The following R3HCC1L variants were observed in gnomAD, a reference collection of about 807,000 sequenced individuals.
R3HCC1L encodes R3H domain and coiled-coil containing 1 like.
A neutral mutation model predicts 59.9 loss-of-function variants in R3HCC1L; 51 were observed. That is an observed-to-expected ratio of 0.85 (90% CI 0.68 to 1.07). R3HCC1L has a LOEUF of 1.07. Among genes scored for constraint, R3HCC1L ranks in the 50% least tolerant of loss-of-function variants. The probability of loss-of-function intolerance (pLI) is 0.00; values close to 1 mark genes in which losing one functional copy is unlikely to be tolerated. For missense variants in R3HCC1L, 965 were observed against 933.0 expected (o/e 1.03, Z -0.45); for synonymous variants, 322 against 315.2 (o/e 1.02, Z -0.23).
At chr10:98,219,197 C>T (rs1854582665) in intron 5 of R3HCC1L, among the ~76,000 whole-genome samples, 1 of 152,224 alleles carries the variant, frequency 6.6e-6, no homozygotes, top group Admixed American at 6.5e-5. Flanking sequence ...CAGGTGTGAG[C>T]CACCATGCCC....
At chr10:98,206,587 T>G (rs1852695683) in intron 4 of R3HCC1L, among the ~76,000 whole-genome samples, 1 of 102,712 alleles carries the variant, frequency 9.7e-6, no homozygotes, top group South Asian at 4.2e-4. Context: ...ATCTCTAAAT[T>G]CATTTCTACC....
At chr10:98,230,578 C>T (rs538012961) in intron 5 of R3HCC1L, among the ~76,000 whole-genome samples, 5 of 152,274 alleles carry the variant, frequency 3.3e-5, no homozygotes, top group African/African-American at 1.2e-4. Flanking sequence ...CTGTCTCCTT[C>T]AGTTCTGCTC....
At chr10:98,135,514 C>A (rs1316020088) in intron 1 of R3HCC1L, among the ~76,000 whole-genome samples, 1 of 152,182 alleles carries the variant, frequency 6.6e-6, no homozygotes, top group Non-Finnish European at 1.5e-5. Flanking sequence ...ACCTTGCCAT[C>A]CCCCAGTCTC....
At chr10:98,162,033 C>G (rs1847465981) in intron 2 of R3HCC1L, among the ~76,000 whole-genome samples, 1 of 152,070 alleles carries the variant, frequency 6.6e-6, no homozygotes, top group South Asian at 2.1e-4. Flanking sequence ...TCCATTTGTT[C>G]AGATCTACTT....
At chr10:98,213,594 TATAGAATTAAAC>T (rs2135348268) in intron 5 of R3HCC1L, among the ~76,000 whole-genome samples, 1 of 152,252 alleles carries the variant, frequency 6.6e-6, no homozygotes, top group South Asian at 2.1e-4. Flanking sequence ...TTGGTGAGGC[TATAGAATTAAAC>T]AAGAGATTAT....
At chr10:98,161,294 T>C (rs1478478698) in intron 2 of R3HCC1L, among the ~76,000 whole-genome samples, 1 of 152,196 alleles carries the variant, frequency 6.6e-6, no homozygotes, top group Non-Finnish European at 1.5e-5. Context: ...TGAACATCTT[T>C]TCATATGTTT....
intron 1 of R3HCC1L, 46 bp downstream of exon 1, chr10:98,134,752 A>C (rs1158628111): frequency 1.3e-5 from 2 of 152,208 alleles, no homozygotes; most frequent in East Asian, 1.9e-4. Flanking sequence ...TCAAGCTAGG[A>C]TTTTTAATCC....
chr10:98,185,569 A>G (rs1850144672), intron 4 of R3HCC1L, among the ~76,000 whole-genome samples: 2 of 152,190 alleles, frequency 1.3e-5, no homozygotes, highest in African/African-American at 4.8e-5. Context: ...TCCAGTAGCT[A>G]AGATGGAAAA....
intron 9 of R3HCC1L, among the ~76,000 whole-genome samples, chr10:98,241,792 T>G (rs1016428782): frequency 6.6e-6 from 1 of 152,220 alleles, no homozygotes; most frequent in Non-Finnish European, 1.5e-5. Flanking sequence ...GGTCCCAGAT[T>G]CAGTTCTTTC....
rs148036627 is a variant in R3HCC1L at position 98,149,417 on chromosome 10, T to G, written c.-267-6676T>G. On this transcript the variant is annotated intron_variant, in intron 1 of 9. Transcript: ENST00000298999. ...ATTTTGGGCTAGGTTTGTTCTTTTC[T>G]AGTTCTTTGAGGCACGTTATTAGAT... Among the ~76,000 whole-genome samples, 443 of 152,324 alleles carry G rather than the reference T, an allele frequency of 2.9e-3. 4 individuals carry two copies. Among genetic ancestry groups the G allele is most frequent in the African/African-American group, 9.5e-3 (395 of 41,588 alleles).
chr10:98,187,905 T>TA (rs1850398315), intron 4 of R3HCC1L, among the ~76,000 whole-genome samples: 2 of 151,996 alleles, frequency 1.3e-5, no homozygotes, highest in South Asian at 4.2e-4. Flanking sequence ...CCCAGCTAAT[T>TA]AAAAAACAAT....
rs1856410608 is a variant in R3HCC1L at position 98,231,657 on chromosome 10, A to T, written c.1931A>T (p.Glu644Val). ...IYDFPQEFHT[E>V]DLLRVFCSYQ... The stretch of plus-strand genomic sequence containing the variant: ...GACTTTCCCCAAGAATTTCATACTG[A>T]AGACCTTCTACGGGTTTTCTGCAGT... The change falls in exon 6 of 10, where the codon GAA becomes GTA. Residue 644 changes from glutamate (E) to valine (V), a missense_variant. By Grantham distance (121) the Glu-to-Val change is moderately radical (BLOSUM62 -2). Coordinates refer to ENST00000298999, the MANE Select transcript of R3HCC1L (RefSeq NM_001351015.2). 1 of 1,611,958 alleles carries T rather than the reference A, an allele frequency of 6.2e-7. No homozygotes were observed. The highest frequency in any genetic ancestry group is 8.5e-7 in the Non-Finnish European group (1 of 1,178,532).
intron 5 of R3HCC1L, among the ~76,000 whole-genome samples, chr10:98,228,695 T>C (rs1855975470): frequency 6.6e-6 from 1 of 152,230 alleles, no homozygotes; most frequent in South Asian, 2.1e-4. Context: ...TAGGTTTTCT[T>C]CTAGGGTTTT....
At chr10:98,143,477 CTG>C (rs1197561964) in intron 1 of R3HCC1L, among the ~76,000 whole-genome samples, 1 of 152,222 alleles carries the variant, frequency 6.6e-6, no homozygotes, top group East Asian at 1.9e-4. Flanking sequence ...GTATTAGTCA[CTG>C]TGACATTGCT....
At chr10:98,227,369 A>G (rs1317092910) in intron 5 of R3HCC1L, among the ~76,000 whole-genome samples, 1 of 152,142 alleles carries the variant, frequency 6.6e-6, no homozygotes, top group Non-Finnish European at 1.5e-5. Context: ...AAACTCTTGA[A>G]TCCATTTTTC....
intron 1 of R3HCC1L, among the ~76,000 whole-genome samples, chr10:98,144,023 T>G: frequency 6.6e-6 from 1 of 151,954 alleles, no homozygotes; most frequent in Non-Finnish European, 1.5e-5. Flanking sequence ...AAAAAATATA[T>G]AGTGGGTCGG....
chr10:98,157,658 A>G (rs996092465), intron 2 of R3HCC1L, among the ~76,000 whole-genome samples: 3 of 152,212 alleles, frequency 2.0e-5, no homozygotes, highest in Non-Finnish European at 2.9e-5. Context: ...GCATTCATCA[A>G]TATATAACTT....
intron 4 of R3HCC1L, among the ~76,000 whole-genome samples, chr10:98,203,640 G>A (rs1852288458): frequency 6.6e-6 from 1 of 152,184 alleles, no homozygotes; most frequent in Admixed American, 6.5e-5. Flanking sequence ...ATTGAAGAGG[G>A]ATCCATATGT....
At chr10:98,205,011 G>T (rs72826281) in intron 4 of R3HCC1L, among the ~76,000 whole-genome samples, 1 of 152,244 alleles carries the variant, frequency 6.6e-6, no homozygotes, top group South Asian at 2.1e-4. Flanking sequence ...CATACTGGTG[G>T]ATTGGAGTGT....
Sources: gnomAD v4.1 joint callset for allele counts (sites outside exome capture counted in the v4.1 genomes callset) on GRCh38, gnomAD v4.1.1 for gene constraint, MANE v1.5 for transcripts, NCBI Gene and HGNC (gene_info 2026-07-23, HGNC 2026-07-21) for gene names.